The following EXOC6B variants were observed in gnomAD, a reference collection of about 807,000 sequenced individuals.
The protein encoded by EXOC6B is exocyst complex component 6B, also known as SEC15 homolog B.
In EXOC6B, 54 loss-of-function variants were observed where a neutral mutation model predicts 113.5. The observed-to-expected ratio is 0.48, with a 90% CI of 0.38 to 0.60. EXOC6B has a LOEUF of 0.60. EXOC6B is among the 20% of genes least tolerant of loss of function. The probability of loss-of-function intolerance (pLI) is 0.00; values close to 1 mark genes in which losing one functional copy is unlikely to be tolerated. For missense variants in EXOC6B, 797 were observed against 977.5 expected, an observed-to-expected ratio of 0.82 and a Z score of 2.46; for synonymous variants, 357 against 339.0, an observed-to-expected ratio of 1.05 and a Z score of -0.58.
At chr2:72,334,675 C>T (rs1289631472) in intron 20 of EXOC6B, among the ~76,000 whole-genome samples, 5 of 152,098 alleles carry the variant, frequency 3.3e-5, no homozygotes, top group Non-Finnish European at 5.9e-5. Flanking sequence ...CACAATGGGT[C>T]GCATCACTTG....
At chr2:72,350,463 C>T (rs951070950) in intron 19 of EXOC6B, among the ~76,000 whole-genome samples, 1 of 152,120 alleles carries the variant, frequency 6.6e-6, no homozygotes, top group South Asian at 2.1e-4. Context: ...CTTATAAATG[C>T]TAATGAATTT....
At chr2:72,408,256 G>C (rs983362897) in intron 18 of EXOC6B, among the ~76,000 whole-genome samples, 13 of 152,142 alleles carry the variant, frequency 8.5e-5, no homozygotes, top group African/African-American at 3.1e-4. Context: ...CTCATGGGTA[G>C]GAAGAATCAA....
chr2:72,611,237 GCC>G (rs1671054790), intron 6 of EXOC6B, among the ~76,000 whole-genome samples: 1 of 151,956 alleles, frequency 6.6e-6, no homozygotes, highest in Non-Finnish European at 1.5e-5. Flanking sequence ...GGTGGCACAT[GCC>G]TATAATCCCA....
At chr2:72,216,944 G>A (rs1237285371) in intron 20 of EXOC6B, among the ~76,000 whole-genome samples, 4 of 151,762 alleles carry the variant, frequency 2.6e-5, no homozygotes, top group African/African-American at 9.7e-5. Context: ...GGGAGGCTGA[G>A]GCAGGAGAAT....
chr2:72,751,278 G>A (rs1389381341), intron 1 of EXOC6B, among the ~76,000 whole-genome samples: 1 of 152,144 alleles, frequency 6.6e-6, no homozygotes, highest in Admixed American at 6.6e-5. Context: ...AGATTGGTAT[G>A]ATCTGGAAGG....
At chr2:72,337,995 G>A (rs1236144751) in intron 19 of EXOC6B, among the ~76,000 whole-genome samples, 1 of 152,006 alleles carries the variant, frequency 6.6e-6, no homozygotes, top group African/African-American at 2.4e-5. Context: ...GATTATAAGG[G>A]GTCCTTAATC....
At chr2:72,672,662 G>C (rs1208524898) in intron 6 of EXOC6B, among the ~76,000 whole-genome samples, 1 of 152,042 alleles carries the variant, frequency 6.6e-6, no homozygotes, top group Non-Finnish European at 1.5e-5. Flanking sequence ...CAGCTACATG[G>C]ATAGAACCAA....
intron 18 of EXOC6B, among the ~76,000 whole-genome samples, chr2:72,399,048 T>A (rs1193637536): frequency 1.3e-5 from 2 of 149,962 alleles, no homozygotes; most frequent in Non-Finnish European, 3.0e-5. Context: ...CCAATATCCC[T>A]GATTAACATA....
At chr2:72,422,737 G>T (rs552397452) in intron 18 of EXOC6B, among the ~76,000 whole-genome samples, 20 of 152,270 alleles carry the variant, frequency 1.3e-4, no homozygotes, top group African/African-American at 4.8e-4. Context: ...CTCAAGGTTT[G>T]TGAGTGCACC....
intron 6 of EXOC6B, among the ~76,000 whole-genome samples, chr2:72,699,856 C>G (rs1016260923): frequency 2.6e-5 from 4 of 152,134 alleles, no homozygotes; most frequent in African/African-American, 9.7e-5. Flanking sequence ...TGGCACTACA[C>G]ACAAAATCTA....
chr2:72,543,647 T>A (rs554975911), intron 8 of EXOC6B, among the ~76,000 whole-genome samples: 8 of 152,188 alleles, frequency 5.3e-5, no homozygotes, highest in Non-Finnish European at 7.4e-5. Context: ...AAATGTTAGA[T>A]CACAGCTACT....
intron 6 of EXOC6B, among the ~76,000 whole-genome samples, chr2:72,608,570 T>C (rs539525083): frequency 6.6e-6 from 1 of 152,310 alleles, no homozygotes; most frequent in South Asian, 2.1e-4. Context: ...TTTCTTTTAT[T>C]GTTTACACAC....
chr2:72,583,424 C>T (rs1705348455), intron 6 of EXOC6B, among the ~76,000 whole-genome samples: 1 of 152,154 alleles, frequency 6.6e-6, no homozygotes, highest in South Asian at 2.1e-4. Context: ...CCAAGGTCAA[C>T]TCTGAAAGAA....
At chr2:72,231,203 G>T (rs769112396) in intron 20 of EXOC6B, among the ~76,000 whole-genome samples, 1 of 152,064 alleles carries the variant, frequency 6.6e-6, no homozygotes, top group Admixed American at 6.6e-5. Flanking sequence ...TCTAAATAAT[G>T]ATAGCACTGT....
At chr2:72,335,627 T>C (rs1023353725) in intron 19 of EXOC6B, among the ~76,000 whole-genome samples, 2 of 150,308 alleles carry the variant, frequency 1.3e-5, no homozygotes, top group Non-Finnish European at 3.0e-5. Flanking sequence ...TCCCAATCCA[T>C]GACTTGGCTT....
intron 20 of EXOC6B, among the ~76,000 whole-genome samples, chr2:72,325,377 T>C (rs1259957568): frequency 6.6e-6 from 1 of 152,062 alleles, no homozygotes; most frequent in Non-Finnish European, 1.5e-5. Context: ...TACACAAGGC[T>C]CCTTCCTTGG....
chr2:72,811,728 T>C (rs1685936493), intron 1 of EXOC6B, among the ~76,000 whole-genome samples: 1 of 152,144 alleles, frequency 6.6e-6, no homozygotes, highest in Admixed American at 6.5e-5. Context: ...AATGACCAAG[T>C]AGGGTTTATT....
intron 6 of EXOC6B, among the ~76,000 whole-genome samples, chr2:72,709,064 A>G (rs1679090346): frequency 5.9e-5 from 9 of 151,870 alleles, no homozygotes; most frequent in Admixed American, 5.9e-4. Context: ...TTTAAAAAAA[A>G]AAACTACTTT....
intron 6 of EXOC6B, among the ~76,000 whole-genome samples, chr2:72,701,926 T>C (rs560633561): frequency 4.5e-4 from 68 of 152,246 alleles, no homozygotes; most frequent in Non-Finnish European, 5.9e-4. Context: ...TTTCTTTTTT[T>C]TTTTTTAATT....
Sources: allele counts gnomAD v4.1 joint callset (sites outside exome capture counted in the v4.1 genomes callset), GRCh38; gene constraint gnomAD v4.1.1; transcripts MANE v1.5; gene names NCBI Gene and HGNC (gene_info 2026-07-23, HGNC 2026-07-21).